FOXN3: variants seen among roughly 807,000 people sequenced by gnomAD.
FOXN3 encodes forkhead box protein N3.
A neutral mutation model predicts 38.4 loss-of-function variants in FOXN3; 7 were observed. The ratio of observed to expected loss-of-function variants is 0.18; its 90% CI spans 0.10 to 0.34. The LOEUF (loss-of-function observed/expected upper bound fraction) is 0.34. Ranked by LOEUF, FOXN3 falls within the 10% of genes least tolerant of loss-of-function variation. FOXN3 has a pLI of 1.00. For missense variants in FOXN3, 456 were observed against 613.4 expected (o/e 0.74, Z 2.71); for synonymous variants, 230 against 242.2 (o/e 0.95, Z 0.47).
chr14:89,366,797 G>A lies in FOXN3; in HGVS notation c.544-15989C>T, dbSNP rs183118955. On this transcript the variant is annotated intron_variant, in intron 2 of 5. Coordinates refer to ENST00000557258, the MANE Select transcript of FOXN3 (RefSeq NM_005197.4). ...AACAAACGAGTCAGGTTTTATGGAC[G>A]GCAATAAAGGTAACGTGGGCCTGAC... Among the ~76,000 whole-genome samples the A allele has an allele frequency of 5.4e-3, 817 of 152,222 alleles. 10 individuals carry two copies. The highest frequency in any genetic ancestry group is 0.017 in the African/African-American group (700 of 41,534).
At chr14:89,458,258 C>A (rs528241931) in intron 1 of FOXN3, among the ~76,000 whole-genome samples, 1 of 152,272 alleles carries the variant, frequency 6.6e-6, no homozygotes, top group African/African-American at 2.4e-5. Flanking sequence ...TCTTGTCATC[C>A]GAATCATTTC....
At chr14:89,321,029 T>C (rs1265477601) in intron 3 of FOXN3, among the ~76,000 whole-genome samples, 1 of 152,142 alleles carries the variant, frequency 6.6e-6, no homozygotes, top group East Asian at 1.9e-4. Context: ...GGCTCAAGCC[T>C]GTAATCCCAG....
chr14:89,280,931 G>A lies in FOXN3; in HGVS notation c.745+19C>T. On this transcript the variant is annotated intron_variant, in intron 4 of 5. Transcript: ENST00000557258. ...TGGGTGAGGGGGAGGGAGAGGAAGG[G>A]GTGTTACTAGGGACCTACCTTGGAG... The A allele has an allele frequency of 6.2e-7, 1 of 1,607,432 alleles. No homozygotes were observed. The highest frequency in any genetic ancestry group is 8.5e-7 in the Non-Finnish European group (1 of 1,174,534).
Position 89,574,528 on chromosome 14 carries a change from T to C in FOXN3, c.-15+44500A>G, listed in dbSNP as rs139763707. ...GGGAGGAGACCACTGAACTGAGTGC[T>C]TGAGGGAGCTTGGTGCCAGTCCCAG... is the stretch of plus-strand genomic sequence containing the variant. On this transcript the variant is annotated intron_variant, in intron 1 of 6. Coordinates refer to the FOXN3 transcript ENST00000345097. 2.9e-4 allele frequency among the ~76,000 whole-genome samples: 44 copies of C among 152,170 alleles called. No homozygotes were observed. The East Asian group carries it at 7.6e-3, about 26-fold the overall frequency.
chr14:89,520,907 C>T (rs1894304052), intron 1 of FOXN3, among the ~76,000 whole-genome samples: 1 of 152,144 alleles, frequency 6.6e-6, no homozygotes, highest in Non-Finnish European at 1.5e-5. Flanking sequence ...TATTTTACCA[C>T]CAAAAAATCA....
At chr14:89,285,128 T>C (rs1886583486) in intron 3 of FOXN3, among the ~76,000 whole-genome samples, 2 of 152,198 alleles carry the variant, frequency 1.3e-5, no homozygotes, top group African/African-American at 2.4e-5. Context: ...CACACCTGTA[T>C]TCACCAGCTG....
intron 1 of FOXN3, among the ~76,000 whole-genome samples, chr14:89,592,200 A>T (rs1319957179): frequency 6.6e-6 from 1 of 152,226 alleles, no homozygotes; most frequent in East Asian, 1.9e-4. Flanking sequence ...TTAAGAAAAG[A>T]AAAATAAATA....
intron 4 of FOXN3, among the ~76,000 whole-genome samples, chr14:89,273,085 AC>A (rs1345744339): frequency 6.6e-6 from 1 of 152,182 alleles, no homozygotes; most frequent in African/African-American, 2.4e-5. Flanking sequence ...GTTTGCTACT[AC>A]ATCTCTCACT....
At chr14:89,497,323 CATCT>C (rs1306900613) in intron 1 of FOXN3, among the ~76,000 whole-genome samples, 1 of 151,766 alleles carries the variant, frequency 6.6e-6, no homozygotes, top group Non-Finnish European at 1.5e-5. Flanking sequence ...TTTATCCATT[CATCT>C]GTCGACAGAC....
At chr14:89,175,397 G>T (rs1441499082) in intron 5 of FOXN3, among the ~76,000 whole-genome samples, 1 of 152,202 alleles carries the variant, frequency 6.6e-6, no homozygotes, top group African/African-American at 2.4e-5. Flanking sequence ...AAGGTGGCAT[G>T]AATTTAATTT....
intron 1 of FOXN3, among the ~76,000 whole-genome samples, chr14:89,428,641 C>T (rs1436091503): frequency 6.6e-6 from 1 of 152,266 alleles, no homozygotes; most frequent in African/African-American, 2.4e-5. Flanking sequence ...ATGCCTCACA[C>T]AGCGCCAGGC....
At chr14:89,525,147 A>T (rs1443404546) in intron 1 of FOXN3, among the ~76,000 whole-genome samples, 18 of 152,270 alleles carry the variant, frequency 1.2e-4, no homozygotes, top group Non-Finnish European at 2.4e-4. Flanking sequence ...AATAAGGCTG[A>T]GACCTACTGG....
chr14:89,230,742 CTCTT>C (rs1216378930), intron 4 of FOXN3: 4 of 375,590 alleles, frequency 1.1e-5, no homozygotes, highest in Middle Eastern at 8.6e-4. Context: ...GCGCCACACA[CTCTT>C]TATTAAATAA....
At chr14:89,167,049 A>G (rs1887260997) in intron 5 of FOXN3, among the ~76,000 whole-genome samples, 1 of 152,258 alleles carries the variant, frequency 6.6e-6, no homozygotes, top group African/African-American at 2.4e-5. Context: ...TTTATGTGTA[A>G]CGATATTGCA....
At chr14:89,375,124 C>T (rs1346389428) in intron 2 of FOXN3, among the ~76,000 whole-genome samples, 2 of 152,022 alleles carry the variant, frequency 1.3e-5, no homozygotes, top group Non-Finnish European at 2.9e-5. Flanking sequence ...GACTTGACTA[C>T]AAAGGAACTG....
In FOXN3 at chr14:89,333,630, C is replaced by T. The variant is rs148231878; in HGVS notation, c.680+17042G>A. On this transcript the variant is annotated intron_variant, in intron 3 of 5. Transcript: ENST00000557258. ...CAAAACAATTAGCCAGGCATGGTGG[C>T]GCCTGCCTGTAATCCCAGCTAACTG... is the stretch of plus-strand genomic sequence containing the variant. Among the ~76,000 whole-genome samples the T allele has an allele frequency of 4.8e-3, 717 of 150,722 alleles. 11 individuals carry two copies. Among genetic ancestry groups the T allele is most frequent in the African/African-American group, 0.016 (669 of 40,982 alleles).
intron 4 of FOXN3, among the ~76,000 whole-genome samples, chr14:89,247,191 C>A (rs1885324245): frequency 6.6e-6 from 1 of 152,156 alleles, no homozygotes; most frequent in South Asian, 2.1e-4. Context: ...AACAGTGATA[C>A]AAATAAAATA....
chr14:89,205,636 C>A lies in FOXN3; in HGVS notation c.746-24830G>T, dbSNP rs567681918. On this transcript the variant is annotated intron_variant, in intron 4 of 5. Coordinates refer to ENST00000557258, the MANE Select transcript of FOXN3 (RefSeq NM_005197.4). ...TGGTTGGAGGAGAGTCTGCTCCATG[C>A]CAGGGGAAGACCACCTTCTGGCTCC... is the stretch of plus-strand genomic sequence containing the variant. 2.0e-4 allele frequency among the ~76,000 whole-genome samples: 31 copies of A among 152,336 alleles called. 1 individual carries two copies. The highest frequency in any genetic ancestry group is 6.7e-4 in the African/African-American group (28 of 41,568).
intron 1 of FOXN3, among the ~76,000 whole-genome samples, chr14:89,502,447 A>G (rs1363896149): frequency 6.6e-6 from 1 of 152,254 alleles, no homozygotes; most frequent in Non-Finnish European, 1.5e-5. Context: ...TGTCCATGTT[A>G]GAAATAGATC....
Sources: gnomAD v4.1 joint callset for allele counts (sites outside exome capture counted in the v4.1 genomes callset) on GRCh38, gnomAD v4.1.1 for gene constraint, MANE v1.5 for transcripts, NCBI Gene and HGNC (gene_info 2026-07-23, HGNC 2026-07-21) for gene names.